Variants in RAB3C observed in about 807,000 individuals in gnomAD.
RAB3C encodes ras-related protein Rab-3C.
Under a neutral mutation model 26.4 loss-of-function variants are expected in RAB3C, and 17 were observed. That is an observed-to-expected ratio of 0.64 (90% CI 0.44 to 0.97). The LOEUF is 0.97. Among genes scored for constraint, RAB3C ranks in the 50% least tolerant of loss-of-function variants. The pLI is 0.00. For missense variants in RAB3C, 242 were observed against 281.9 expected (o/e 0.86, Z 1.01); for synonymous variants, 91 against 95.9 (o/e 0.95, Z 0.30).
At chr5:58,646,350 A>G (rs1408041795) in intron 2 of RAB3C, among the ~76,000 whole-genome samples, 8 of 152,184 alleles carry the variant, frequency 5.3e-5, no homozygotes, top group African/African-American at 1.9e-4. Flanking sequence ...TGCCTGACAC[A>G]CTAAGCATTG....
chr5:58,797,396 T>TGC (rs1742695851), intron 3 of RAB3C, among the ~76,000 whole-genome samples: 1 of 116,816 alleles, frequency 8.6e-6, no homozygotes, highest in African/African-American at 3.6e-5. Context: ...TATATATATA[T>TGC]ACACAGAGAG....
At chr5:58,744,538 G>A (rs779427263) in intron 3 of RAB3C, among the ~76,000 whole-genome samples, 1 of 152,208 alleles carries the variant, frequency 6.6e-6, no homozygotes, top group Non-Finnish European at 1.5e-5. Flanking sequence ...CTTTTGAAAA[G>A]AAACCGCAGT....
At chr5:58,803,333 T>A (rs779440747) in intron 3 of RAB3C, among the ~76,000 whole-genome samples, 12 of 152,126 alleles carry the variant, frequency 7.9e-5, no homozygotes, top group Non-Finnish European at 1.5e-4. Flanking sequence ...AGGTTTGTGG[T>A]TTTTACTGAT....
intron 3 of RAB3C, among the ~76,000 whole-genome samples, chr5:58,748,787 G>A (rs1464840468): frequency 2.0e-5 from 3 of 152,170 alleles, no homozygotes; most frequent in South Asian, 4.1e-4. Context: ...CATAGTTACT[G>A]GGAAGTGGTT....
intron 2 of RAB3C, among the ~76,000 whole-genome samples, chr5:58,656,213 A>G (rs1176796117): frequency 6.6e-6 from 1 of 152,226 alleles, no homozygotes; most frequent in African/African-American, 2.4e-5. Context: ...GTTTTGATCT[A>G]GTTTACACAC....
intron 2 of RAB3C, among the ~76,000 whole-genome samples, chr5:58,675,530 C>T (rs552257958): frequency 6.6e-6 from 1 of 151,816 alleles, no homozygotes; most frequent in Admixed American, 6.6e-5. Flanking sequence ...TCAAGCATAG[C>T]AACTGGGAGT....
intron 1 of RAB3C, among the ~76,000 whole-genome samples, chr5:58,589,134 A>G (rs1445764579): frequency 2.0e-5 from 3 of 152,164 alleles, no homozygotes; most frequent in South Asian, 2.1e-4. Context: ...TGTTTTTAAC[A>G]TAAGTGGGTG....
intron 2 of RAB3C, among the ~76,000 whole-genome samples, chr5:58,671,729 A>G (rs1356816478): frequency 6.6e-6 from 1 of 152,222 alleles, no homozygotes; most frequent in African/African-American, 2.4e-5. Flanking sequence ...TATTTATGTG[A>G]CCAAACTTTG....
chr5:58,817,586 G>A, intron 3 of RAB3C, among the ~76,000 whole-genome samples: 1 of 152,050 alleles, frequency 6.6e-6, no homozygotes, highest in Non-Finnish European at 1.5e-5. Context: ...ACTTTGTGAT[G>A]TTAGCTAGGA....
intron 1 of RAB3C, among the ~76,000 whole-genome samples, chr5:58,583,954 T>G (rs1745960793): frequency 6.6e-6 from 1 of 152,244 alleles, no homozygotes; most frequent in Non-Finnish European, 1.5e-5. Flanking sequence ...GAAGTACCAC[T>G]GCCTAAGCAT....
At chr5:58,671,265 G>A (rs1215533511) in intron 2 of RAB3C, among the ~76,000 whole-genome samples, 1 of 151,982 alleles carries the variant, frequency 6.6e-6, no homozygotes, top group Non-Finnish European at 1.5e-5. Flanking sequence ...TGTCATAGGT[G>A]CTCTCATTCT....
In RAB3C at chr5:58,692,187, T is replaced by C. The variant is rs114783618; in HGVS notation, c.253-33815T>C. ...TGCAATTTAAATAGATCTTAAAATA[T>C]AGCCACGTCCATTTTTATCTCAGTG... On this transcript the variant is annotated intron_variant, in intron 2 of 4. Transcript: ENST00000282878. 3.7e-3 allele frequency among the ~76,000 whole-genome samples: 560 copies of C among 152,318 alleles called. 3 individuals are homozygous for C. Among genetic ancestry groups the C allele is most frequent in the Non-Finnish European group, 6.2e-3 (419 of 68,022 alleles).
At chr5:58,631,878 T>A (rs370688248) in intron 2 of RAB3C, among the ~76,000 whole-genome samples, 26 of 152,342 alleles carry the variant, frequency 1.7e-4, no homozygotes, top group East Asian at 1.2e-3. Context: ...ATTGAAAGCA[T>A]TTTTCTTACT....
At position 58,856,486 on chromosome 5, in the gene RAB3C, G is replaced by A. The variant is rs967653635; in HGVS notation, c.*5135G>A. ...AATGACAGGACCAAGAATAGAAAATGAGACTCAAATTTCACCATTTACTTC... is the reference window on the plus strand; with the variant it reads ...AATGACAGGACCAAGAATAGAAAATAAGACTCAAATTTCACCATTTACTTC... On this transcript the variant is annotated 3_prime_UTR_variant, in exon 5 of 5. Coordinates refer to ENST00000282878, the MANE Select transcript of RAB3C (RefSeq NM_138453.4). The A allele has an allele frequency of 2.0e-5, 3 of 152,112 alleles. No homozygotes were observed. The highest frequency in any genetic ancestry group is 4.4e-5 in the Non-Finnish European group (3 of 68,012). The allele number at this position is 152,112 out of a possible 1,614,324, so 9.4% of individuals were successfully genotyped here.
intron 3 of RAB3C, among the ~76,000 whole-genome samples, chr5:58,734,183 C>A (rs976913920): frequency 2.0e-5 from 3 of 152,188 alleles, no homozygotes; most frequent in East Asian, 1.9e-4. Context: ...AATGAAATTT[C>A]ACCTTCAAAT....
chr5:58,617,481 T>G lies in RAB3C; in HGVS notation c.25-162T>G, dbSNP rs756438290. The stretch of plus-strand genomic sequence containing the variant: ...TCCAGCAGGGAATTATTGCCATGGA[T>G]ACCAATATCAGAGGAAGACTGGGGA... On this transcript the variant is annotated intron_variant, in intron 1 of 4. Coordinates refer to ENST00000282878, the MANE Select transcript of RAB3C (RefSeq NM_138453.4). The G allele has an allele frequency of 1.0e-5, 8 of 775,306 alleles. No homozygotes were observed. The Admixed American group carries it at 1.4e-4, about 13-fold the overall frequency. The allele number at this position is 775,306 out of a possible 1,614,324, so 48.0% of individuals were successfully genotyped here. A position where few individuals can be genotyped will look rare whatever the true frequency, so the allele number is the denominator to read the frequency against.
At chr5:58,616,826 C>G (rs113312559) in intron 1 of RAB3C, among the ~76,000 whole-genome samples, 5 of 152,068 alleles carry the variant, frequency 3.3e-5, no homozygotes, top group Non-Finnish European at 7.4e-5. Context: ...TGAATATTTC[C>G]GACATGATCT....
chr5:58,682,355 A>G (rs1463973901), intron 2 of RAB3C, among the ~76,000 whole-genome samples: 1 of 152,208 alleles, frequency 6.6e-6, no homozygotes, highest in Non-Finnish European at 1.5e-5. Flanking sequence ...ATGTTAAAAT[A>G]GAATGAAAAA....
chr5:58,750,714 T>TG (rs1741503263), intron 3 of RAB3C, among the ~76,000 whole-genome samples: 1 of 152,250 alleles, frequency 6.6e-6, no homozygotes, highest in Non-Finnish European at 1.5e-5. Context: ...TTAATCAGAT[T>TG]GCAAATGTTT....
Sources: gnomAD v4.1 joint callset for allele counts (sites outside exome capture counted in the v4.1 genomes callset) on GRCh38, gnomAD v4.1.1 for gene constraint, MANE v1.5 for transcripts, NCBI Gene and HGNC (gene_info 2026-07-23, HGNC 2026-07-21) for gene names.